The following NKAPD1 variants were observed in gnomAD, a reference collection of about 807,000 sequenced individuals.
NKAPD1 encodes the protein NKAP domain containing 1.
Under a neutral mutation model 30.9 loss-of-function variants are expected in NKAPD1, and 12 were observed. That is an observed-to-expected ratio of 0.39 (90% CI 0.25 to 0.63). The LOEUF (loss-of-function observed/expected upper bound fraction) is 0.63. Among genes scored for constraint, NKAPD1 ranks in the 20% least tolerant of loss-of-function variants. The pLI is 0.51. For synonymous variants in NKAPD1, 91 were observed against 113.6 expected (o/e 0.80, Z 1.26); for missense variants, 311 against 344.5 (o/e 0.90, Z 0.77).
At chr11:112,076,997 T>G (rs965904995) in intron 2 of NKAPD1, among the ~76,000 whole-genome samples, 1 of 152,178 alleles carries the variant, frequency 6.6e-6, no homozygotes, top group Non-Finnish European at 1.5e-5. Flanking sequence ...ACATAAAGGT[T>G]TCGGGATTAT....
At chr11:112,075,497 A>T in intron 1 of NKAPD1, 70 bp from the exon 2 acceptor site, 1 of 1,211,410 alleles carries the variant, frequency 8.3e-7, no homozygotes, top group Non-Finnish European at 1.2e-6. Flanking sequence ...ATGCTTCTTT[A>T]TAAAACTTCA....
rs139311432 is a variant in NKAPD1, at chr11:112,080,547, C to T, written c.309C>T (p.Asn103=). 2.5e-6 allele frequency: 4 copies of T among 1,613,454 alleles called. No individual in the cohort carries two copies. In the African/African-American group the frequency reaches 4.0e-5, roughly 16 times the overall value. The change falls in exon 4 of 6, where the codon AAC becomes AAT. Residue 103 remains asparagine (N), a synonymous_variant. Transcript: ENST00000393047. The part of the protein sequence containing the change: ...WNKKFYDYEA[N]MPDRWGHSGY... ...AAAAGTTCTATGATTATGAAGCAAA[C>T]ATGCCAGACAGGTTTGTGATTAATT... is the stretch of plus-strand genomic sequence containing the variant.
intron 1 of NKAPD1, 132 bp from the exon 2 acceptor site, chr11:112,075,435 C>T: frequency 1.5e-6 from 1 of 656,618 alleles, no homozygotes; most frequent in Non-Finnish European, 2.6e-6. Flanking sequence ...AAAGGGAAAA[C>T]TATTCTTTAG....
intron 3 of NKAPD1, among the ~76,000 whole-genome samples, chr11:112,079,034 T>C (rs1392232617): frequency 1.3e-5 from 2 of 152,184 alleles, no homozygotes; most frequent in Non-Finnish European, 2.9e-5. Flanking sequence ...AAGAGCTACA[T>C]ATATAAGAAA....
chr11:112,078,805 A>G (rs1433400786), intron 3 of NKAPD1, among the ~76,000 whole-genome samples: 3 of 151,848 alleles, frequency 2.0e-5, no homozygotes, highest in South Asian at 2.1e-4. Flanking sequence ...TCCCACCTCA[A>G]CCTCCCAGTG....
rs1038535430 is a variant in NKAPD1, at chr11:112,078,268, A to G, written c.123A>G (p.Glu41=). 6.2e-7 allele frequency: 1 copy of G among 1,613,344 alleles called. No homozygotes were observed. The highest frequency in any genetic ancestry group is 1.3e-5 in the African/African-American group (1 of 74,894). ...WKIRELEKQM[E]DAYRGTKRKM... ...TAAGAGAACTGGAAAAACAGATGGA[A>G]GATGCTTACCGGGGGACCAAAAGGA... Residue 41 remains glutamate, a synonymous_variant, in exon 3 of 6, where the codon GAA becomes GAG. Transcript: ENST00000393047.
intron 4 of NKAPD1, 111 bp from the exon 5 acceptor site, chr11:112,081,871 C>T (rs2135252739): frequency 2.4e-6 from 2 of 823,146 alleles, no homozygotes; most frequent in South Asian, 2.8e-5. Flanking sequence ...CATATCTCTA[C>T]TTTGTGTTTA....
Position 112,083,086 on chromosome 11 carries a change from C to A in NKAPD1, c.*114C>A. The A allele has an allele frequency of 9.0e-7, 1 of 1,110,382 alleles. No individual in the cohort carries two copies. The highest frequency in any genetic ancestry group is 1.2e-6 in the Non-Finnish European group (1 of 811,630). 68.8% of individuals were successfully genotyped at this position (1,110,382 alleles called of 1,614,324 possible). A position where few individuals can be genotyped will look rare whatever the true frequency, so the allele number is the denominator to read the frequency against. ...GGCCTGAGGTCAGAGCTGTCTTGTGCCATCTGTATGTTCTGACAGACGTCT... is the reference window on the plus strand; with the variant it reads ...GGCCTGAGGTCAGAGCTGTCTTGTGACATCTGTATGTTCTGACAGACGTCT... On this transcript the variant is annotated 3_prime_UTR_variant, in exon 6 of 6. Transcript: ENST00000393047.
intron 3 of NKAPD1, among the ~76,000 whole-genome samples, chr11:112,078,729 T>G (rs896164240): frequency 1.3e-5 from 2 of 152,224 alleles, no homozygotes; most frequent in African/African-American, 4.8e-5. Context: ...AGCTACTTTT[T>G]TTTTGTAGAG....
chr11:112,082,229 T>G (rs1028970945), intron 5 of NKAPD1, 194 bp downstream of exon 5: 3 of 704,088 alleles, frequency 4.3e-6, no homozygotes, highest in Non-Finnish European at 4.6e-6. Context: ...AGCATTTTGG[T>G]TTTTATATAT....
intron 3 of NKAPD1, among the ~76,000 whole-genome samples, chr11:112,079,814 CTTTTTTTT>C (rs886279310): frequency 6.9e-6 from 1 of 144,524 alleles, no homozygotes; most frequent in African/African-American, 2.5e-5. Flanking sequence ...TTCTTTTTTT[CTTTTTTTT>C]TTTTCCTGAG....
chr11:112,075,685 G>T, intron 2 of NKAPD1, 42 bp downstream of exon 2: 2 of 1,588,914 alleles, frequency 1.3e-6, no homozygotes, highest in Non-Finnish European at 1.7e-6. Context: ...CTTACTGAAG[G>T]CAAGCAGTGT....
chr11:112,075,986 TATC>T (rs1304854471), intron 2 of NKAPD1, among the ~76,000 whole-genome samples: 1 of 152,176 alleles, frequency 6.6e-6, no homozygotes, highest in African/African-American at 2.4e-5. Flanking sequence ...AGGTATGAAA[TATC>T]ATTCTGGATA....
At chr11:112,079,800 TTTTTTC>T (rs1233431843) in intron 3 of NKAPD1, among the ~76,000 whole-genome samples, 1 of 151,776 alleles carries the variant, frequency 6.6e-6, no homozygotes, top group African/African-American at 2.4e-5. Context: ...ATGGTCAGAT[TTTTTTC>T]TTTTTTTCTT....
At chr11:112,080,322 T>G (rs1219159836) in intron 3 of NKAPD1, 87 bp from the exon 4 acceptor site, 5 of 1,348,498 alleles carry the variant, frequency 3.7e-6, no homozygotes, top group Admixed American at 2.0e-5. Flanking sequence ...CCCCTCAGCT[T>G]GTTCCATGAG....
At position 112,083,019 on chromosome 11, in the gene NKAPD1, C is replaced by T. The variant is rs755066399; in HGVS notation, c.*47C>T. On this transcript the variant is annotated 3_prime_UTR_variant, in exon 6 of 6. Transcript: ENST00000393047. ...CACATGACTGTGGATATTTACAGTT[C>T]TTACTCCTTGTGGTTTTGCCAGTGA... 3 of 1,537,692 alleles carry T rather than the reference C, an allele frequency of 2.0e-6. No homozygotes were observed. Among genetic ancestry groups the T allele is most frequent in the South Asian group, 1.3e-5 (1 of 75,762 alleles).
In NKAPD1 at chr11:112,082,840, C is replaced by A; in HGVS notation, c.750C>A (p.Thr250=). The change falls in exon 6 of 6, where the codon ACC becomes ACA. Residue 250 remains threonine, a synonymous_variant. Coordinates refer to ENST00000393047, the MANE Select transcript of NKAPD1 (RefSeq NM_018195.4). ...EESEERDTKK[T]KRKKREKKAH... is the part of the protein sequence containing the mutation. The stretch of plus-strand genomic sequence containing the variant: ...GTGAGGAAAGAGACACTAAGAAAAC[C>A]AAAAGGAAAAAGAGAGAGAAAAAAG... The A allele has an allele frequency of 6.2e-7, 1 of 1,613,496 alleles. No homozygotes were observed.
rs797023433 is a variant in NKAPD1, at chr11:112,074,356, A to G, written c.-569A>G. The G allele has an allele frequency of 5.0e-6, 2 of 399,026 alleles. No homozygotes were observed. The highest frequency in any genetic ancestry group is 1.3e-4 in the South Asian group (1 of 7,852). The allele number at this position is 399,026 out of a possible 1,614,324, so 24.7% of individuals were successfully genotyped here. ...CCCCCGCCACGCGAGGCTGCGGCGC[A>G]CGGTATGGGTGTGTTTGTGTGTATT... On this transcript the variant is annotated 5_prime_UTR_variant, in exon 1 of 6. Coordinates refer to ENST00000393047, the MANE Select transcript of NKAPD1 (RefSeq NM_018195.4).
chr11:112,081,841 T>C (rs1865459975), intron 4 of NKAPD1, 141 bp from the exon 5 acceptor site: 6 of 674,692 alleles, frequency 8.9e-6, no homozygotes, highest in African/African-American at 1.8e-5. Context: ...TACTGAGCTA[T>C]AATGGGGGCT....
Sources: allele counts gnomAD v4.1 joint callset (sites outside exome capture counted in the v4.1 genomes callset), GRCh38; gene constraint gnomAD v4.1.1; transcripts MANE v1.5; gene names NCBI Gene and HGNC (gene_info 2026-07-23, HGNC 2026-07-21).